Variants in HMG20A observed in about 807,000 individuals in gnomAD.
HMG20A encodes high mobility group protein 20A.
A neutral mutation model predicts 43.9 loss-of-function variants in HMG20A; 17 were observed. The ratio of observed to expected loss-of-function variants is 0.39; its 90% CI spans 0.27 to 0.58. HMG20A has a LOEUF of 0.58. Among genes scored for constraint, HMG20A ranks in the 20% least tolerant of loss-of-function variants. The pLI is 0.59. For missense variants in HMG20A, 341 were observed against 438.2 expected (o/e 0.78, Z 1.98); for synonymous variants, 132 against 147.5 (o/e 0.89, Z 0.76).
chr15:77,426,858 G>A (rs577485801), intron 1 of HMG20A, among the ~76,000 whole-genome samples: 1 of 152,252 alleles, frequency 6.6e-6, no homozygotes, highest in African/African-American at 2.4e-5. Context: ...TAGGTACAGG[G>A]CTAAAGGTAT....
At chr15:77,510,407 C>A in the HMG20A span, among the ~76,000 whole-genome samples, 10 of 152,338 alleles carry the variant, frequency 6.6e-5, no homozygotes, top group South Asian at 1.9e-3. Flanking sequence ...CAAGCAAAAC[C>A]TTTCATATTC....
intron 1 of HMG20A, among the ~76,000 whole-genome samples, chr15:77,441,719 T>G (rs2073614849): frequency 6.6e-6 from 1 of 152,128 alleles, no homozygotes; most frequent in Admixed American, 6.5e-5. Flanking sequence ...TGAGTGAATT[T>G]GTTGTAGAAA....
chr15:77,507,144 C>T, the HMG20A span, among the ~76,000 whole-genome samples: 7 of 152,236 alleles, frequency 4.6e-5, no homozygotes, highest in Non-Finnish European at 7.3e-5. Context: ...TTCCTGCTCC[C>T]AGACTCACAC....
rs565295047 is a variant in HMG20A at position 77,480,451 on chromosome 15, A to G, written c.*6+1130A>G. ...AATAGTGAGACCCCTGCTTTAAAAA[A>G]AAATGAAAAAAATTAGCTGAGCATG... On this transcript the variant is annotated intron_variant, in intron 9 of 9. Transcript: ENST00000336216. Among the ~76,000 whole-genome samples, 12 of 152,062 alleles carry G rather than the reference A, an allele frequency of 7.9e-5. No homozygotes were observed. In the East Asian group the frequency reaches 2.3e-3, roughly 29 times the overall value.
the HMG20A span, among the ~76,000 whole-genome samples, chr15:77,518,543 T>A: frequency 6.6e-6 from 1 of 152,216 alleles, no homozygotes; most frequent in Admixed American, 6.5e-5. Context: ...AGAAACCATC[T>A]GTGCCCCTCC....
rs552285831 is a variant in HMG20A at position 77,458,565 on chromosome 15, G to A, written c.89+69G>A. The A allele has an allele frequency of 8.5e-6, 9 of 1,052,926 alleles. No homozygotes were observed. In the African/African-American group the frequency reaches 1.4e-4, roughly 17 times the overall value. 65.2% of individuals were successfully genotyped at this position (1,052,926 alleles called of 1,614,324 possible). On this transcript the variant is annotated intron_variant, in intron 2 of 9. Coordinates refer to ENST00000336216, the MANE Select transcript of HMG20A (RefSeq NM_001304504.2). ...AAACAAAGCTTCTAGCAAAGTAAGAGGTCCTAAAGAGGCAGTTTTATATCA... is the reference window on the plus strand; with the variant it reads ...AAACAAAGCTTCTAGCAAAGTAAGAAGTCCTAAAGAGGCAGTTTTATATCA...
intron 1 of HMG20A, among the ~76,000 whole-genome samples, chr15:77,439,669 A>G (rs776581815): frequency 3.9e-5 from 6 of 152,142 alleles, no homozygotes; most frequent in Non-Finnish European, 8.8e-5. Context: ...CTTTGAGGCT[A>G]TTATTTAAAA....
chr15:77,497,678 A>AGTGT, the HMG20A span, among the ~76,000 whole-genome samples: 3 of 129,388 alleles, frequency 2.3e-5, no homozygotes, highest in Non-Finnish European at 3.4e-5. Context: ...AGAGAGAGAG[A>AGTGT]GAGAGTGTGT....
downstream of HMG20A, chr15:77,485,730 G>C (rs529537614): frequency 3.3e-5 from 5 of 152,084 alleles, no homozygotes; most frequent in African/African-American, 1.2e-4. Flanking sequence ...TCAAGAAATC[G>C]AGACCATCCT....
chr15:77,478,043 A>G (rs2072871958), intron 7 of HMG20A: 1 of 553,032 alleles, frequency 1.8e-6, no homozygotes, highest in East Asian at 3.1e-5. Context: ...AAACAAAAAA[A>G]TACTGGGAAT....
downstream of HMG20A, among the ~76,000 whole-genome samples, chr15:77,487,293 GGAA>G (rs1351197542): frequency 6.6e-6 from 1 of 152,262 alleles, no homozygotes; most frequent in East Asian, 1.9e-4. Context: ...GTTTTAGTAA[GGAA>G]GAAGGAGAAA....
At chr15:77,467,369 T>A (rs2072766443) in intron 4 of HMG20A, 62 bp downstream of exon 4, 1 of 1,395,942 alleles carries the variant, frequency 7.2e-7, no homozygotes, top group East Asian at 2.4e-5. Context: ...ATAACTTATA[T>A]AAGAAAAGCA....
chr15:77,443,903 G>A (rs1157321135), intron 1 of HMG20A, among the ~76,000 whole-genome samples: 2 of 151,918 alleles, frequency 1.3e-5, no homozygotes, highest in Non-Finnish European at 2.9e-5. Flanking sequence ...TAGAGATGGG[G>A]TTTCGCCATG....
chr15:77,428,803 A>G (rs2073452891), intron 1 of HMG20A, among the ~76,000 whole-genome samples: 1 of 152,080 alleles, frequency 6.6e-6, no homozygotes, highest in Non-Finnish European at 1.5e-5. Flanking sequence ...TGTCTCTACA[A>G]AAAAATAAAA....
At chr15:77,510,580 C>T in the HMG20A span, among the ~76,000 whole-genome samples, 1 of 152,214 alleles carries the variant, frequency 6.6e-6, no homozygotes, top group East Asian at 1.9e-4. Flanking sequence ...TGCCAGGTCC[C>T]CCTGAGGCCC....
chr15:77,421,032 G>C, intron 1 of HMG20A, 28 bp downstream of exon 1: 1 of 398,628 alleles, frequency 2.5e-6, no homozygotes, highest in South Asian at 1.3e-4. Flanking sequence ...GCTTGGGGGT[G>C]GCCCCAGTCG....
chr15:77,427,313 G>A (rs202090828), intron 1 of HMG20A, among the ~76,000 whole-genome samples: 5 of 152,128 alleles, frequency 3.3e-5, no homozygotes, highest in African/African-American at 9.7e-5. Flanking sequence ...TATGTGCCAG[G>A]CACTATTAAA....
intron 1 of HMG20A, among the ~76,000 whole-genome samples, chr15:77,427,156 A>G (rs1198750412): frequency 6.6e-6 from 1 of 152,094 alleles, no homozygotes; most frequent in African/African-American, 2.4e-5. Flanking sequence ...GAGAATAGAG[A>G]CTAGACAAAG....
chr15:77,437,746 AT>A (rs1487612404), intron 1 of HMG20A, among the ~76,000 whole-genome samples: 1 of 151,168 alleles, frequency 6.6e-6, no homozygotes, highest in Non-Finnish European at 1.5e-5. Context: ...TAATGTTTGT[AT>A]TTTTCTAGTA....
Sources: allele counts gnomAD v4.1 joint callset (sites outside exome capture counted in the v4.1 genomes callset), GRCh38; gene constraint gnomAD v4.1.1; transcripts MANE v1.5; gene names NCBI Gene and HGNC (gene_info 2026-07-23, HGNC 2026-07-21).